TMEM212: variants seen among roughly 807,000 people sequenced by gnomAD.
TMEM212 encodes transmembrane protein 212.
TMEM212 carries 23 observed loss-of-function variants against 20.5 expected under a neutral mutation model. That is an observed-to-expected ratio of 1.12 (90% CI 0.81 to 1.59). The LOEUF is 1.59. TMEM212 is among the 40% of genes most tolerant of loss of function. TMEM212 has a pLI of 0.00. For missense variants in TMEM212, 211 were observed against 215.0 expected, an observed-to-expected ratio of 0.98 and a Z score of 0.12; for synonymous variants, 76 against 81.6, an observed-to-expected ratio of 0.93 and a Z score of 0.37.
rs1560327368 is a variant in TMEM212, at chr3:171,853,630, C to CA, written c.324dup (p.Phe109IlefsTer8). On this transcript the variant is annotated frameshift_variant, in exon 3 of 5. Transcript: ENST00000334567. LOFTEE classifies it high-confidence loss of function. Reference sequence around the variant, plus strand: ...CTCCTGGGCCCATATTGCTTCTATTCATTTTCAGGGATTGCAGGGACTAAT... The same window carrying CA: ...CTCCTGGGCCCATATTGCTTCTATTCAATTTTCAGGGATTGCAGGGACTAAT... 9.1e-6 allele frequency: 14 copies of CA among 1,537,386 alleles called. No homozygotes were observed. Among genetic ancestry groups the CA allele is most frequent in the Non-Finnish European group, 1.2e-5 (14 of 1,146,902 alleles).
intron 1 of TMEM212, among the ~76,000 whole-genome samples, chr3:171,846,618 T>C (rs1474234085): frequency 6.6e-6 from 1 of 152,254 alleles, no homozygotes; most frequent in South Asian, 2.1e-4. Flanking sequence ...GAATTTCTTA[T>C]ACAGTTGAAT....
At position 171,843,525 on chromosome 3, in the gene TMEM212, A is replaced by G. The variant is rs1242473921; in HGVS notation, c.142A>G (p.Ile48Val). The G allele has an allele frequency of 1.8e-5, 28 of 1,534,552 alleles. No homozygotes were observed. Among genetic ancestry groups the G allele is most frequent in the African/African-American group, 2.7e-5 (2 of 72,942 alleles). Residue 48 changes from isoleucine to valine, a missense_variant, in exon 1 of 5, where the codon ATC becomes GTC. Coordinates refer to ENST00000334567, the MANE Select transcript of TMEM212 (RefSeq NM_001164436.2). ...ATGGAGTGTTCGAATTGCTTGTCCT[A>G]TCTGGAATGGAGCTTTGGTATGAAA... ...TGWSVRIACP[I>V]WNGALAITTG...
In TMEM212 at chr3:171,843,547, G is replaced by A. The variant is rs1460175713; in HGVS notation, c.159+5G>A. 2 of 1,524,738 alleles carry A rather than the reference G, an allele frequency of 1.3e-6. No homozygotes were observed. The highest frequency in any genetic ancestry group is 1.4e-5 in the African/African-American group (1 of 72,574). The allele number at this position is 1,524,738 out of a possible 1,614,324, so 94.5% of individuals were successfully genotyped here. A position where few individuals can be genotyped will look rare whatever the true frequency, so the allele number is the denominator to read the frequency against. The stretch of plus-strand genomic sequence containing the variant: ...CCTATCTGGAATGGAGCTTTGGTAT[G>A]AAAATAGTTTATTAAATATATTGAG... On this transcript the variant is annotated splice_donor_5th_base_variant and intron_variant, in intron 1 of 4. Coordinates refer to ENST00000334567, the MANE Select transcript of TMEM212 (RefSeq NM_001164436.2).
Position 171,843,458 on chromosome 3 carries a change from T to G in TMEM212, c.75T>G (p.Ile25Met). The G allele has an allele frequency of 6.5e-7, 1 of 1,537,206 alleles. No individual in the cohort carries two copies. The highest frequency in any genetic ancestry group is 8.7e-7 in the Non-Finnish European group (1 of 1,146,852). The stretch of plus-strand genomic sequence containing the variant: ...TCCTCAGTGTATGCTCTGGAGTTAT[T>G]GCTTTCTTTCCTGTCTTTTCTTACA... ...LGILSVCSGVIAFFPVFSYKP... is the reference protein window; with the variant it reads ...LGILSVCSGVMAFFPVFSYKP... The change falls in exon 1 of 5, where the codon ATT becomes ATG. Residue 25 changes from isoleucine (I) to methionine (M), a missense_variant. Physicochemically the swap from Ile to Met is conservative, Grantham distance 10. Transcript: ENST00000334567.
chr3:171,851,023 CCTT>C (rs1724965782), intron 1 of TMEM212, among the ~76,000 whole-genome samples: 1 of 152,114 alleles, frequency 6.6e-6, no homozygotes, highest in African/African-American at 2.4e-5. Flanking sequence ...TTTTTTTCCT[CCTT>C]AACTTTGTTG....
intron 3 of TMEM212, among the ~76,000 whole-genome samples, chr3:171,855,303 T>C (rs1725088733): frequency 6.6e-6 from 1 of 152,116 alleles, no homozygotes; most frequent in Non-Finnish European, 1.5e-5. Flanking sequence ...GAATTGCTTT[T>C]TAAACAAGCA....
intron 1 of TMEM212, among the ~76,000 whole-genome samples, chr3:171,844,357 T>G (rs773677385): frequency 6.6e-6 from 1 of 152,194 alleles, no homozygotes; most frequent in African/African-American, 2.4e-5. Flanking sequence ...CTGACACTAC[T>G]GGAGACTGGA....
intron 1 of TMEM212, among the ~76,000 whole-genome samples, chr3:171,845,909 C>T (rs577511327): frequency 2.0e-4 from 30 of 152,196 alleles, no homozygotes; most frequent in Non-Finnish European, 4.0e-4. Flanking sequence ...TAATAAAGAG[C>T]TTTGCCAATT....
intron 1 of TMEM212, among the ~76,000 whole-genome samples, chr3:171,850,271 C>T (rs1260438541): frequency 6.6e-6 from 1 of 152,162 alleles, no homozygotes; most frequent in Non-Finnish European, 1.5e-5. Context: ...TAACAAGTTA[C>T]TGAAGGCATT....
At chr3:171,847,256 T>C (rs1724853636) in intron 1 of TMEM212, among the ~76,000 whole-genome samples, 1 of 152,152 alleles carries the variant, frequency 6.6e-6, no homozygotes, top group Admixed American at 6.5e-5. Context: ...TGGAGTGCAA[T>C]GAGTTTAAAC....
chr3:171,846,441 C>A (rs533319080), intron 1 of TMEM212, among the ~76,000 whole-genome samples: 1 of 152,250 alleles, frequency 6.6e-6, no homozygotes, highest in Admixed American at 6.5e-5. Context: ...TCTCCTCTAA[C>A]AAATGTATAT....
chr3:171,844,567 G>A (rs1176462824), intron 1 of TMEM212, among the ~76,000 whole-genome samples: 12 of 152,036 alleles, frequency 7.9e-5, no homozygotes, highest in African/African-American at 1.7e-4. Context: ...TTAGCTAGGC[G>A]TGGTGGCATG....
intron 1 of TMEM212, among the ~76,000 whole-genome samples, chr3:171,848,265 T>C (rs1043900534): frequency 1.1e-4 from 17 of 152,194 alleles, no homozygotes; most frequent in African/African-American, 4.1e-4. Flanking sequence ...GCATGTCTAA[T>C]GAGTTCCCAG....
At chr3:171,843,617 T>C (rs534541824) in intron 1 of TMEM212, 75 bp downstream of exon 1, 3 of 1,288,988 alleles carry the variant, frequency 2.3e-6, no homozygotes, top group South Asian at 1.7e-5. Context: ...GAAGAACATA[T>C]CCTTTTAAAT....
rs1725102798 is a variant in TMEM212 at position 171,855,877 on chromosome 3, A to G, written c.544-786A>G. On this transcript the variant is annotated intron_variant, in intron 3 of 4. Transcript: ENST00000334567. ...AAAGTTAAAATAGTGGGAGCATAAA[A>G]TACATTTTTGGTAAAGTTTATGAAA... Among the ~76,000 whole-genome samples the G allele has an allele frequency of 1.3e-5, 2 of 152,206 alleles. 1 individual carries two copies. The highest frequency in any genetic ancestry group is 4.8e-5 in the African/African-American group (2 of 41,468).
chr3:171,854,703 G>A (rs753611854), intron 3 of TMEM212, among the ~76,000 whole-genome samples: 19 of 152,230 alleles, frequency 1.2e-4, no homozygotes, highest in South Asian at 4.1e-4. Context: ...ACTTGAGAAA[G>A]AACAAAGCTG....
chr3:171,844,455 C>G (rs888968289), intron 1 of TMEM212, among the ~76,000 whole-genome samples: 11 of 152,158 alleles, frequency 7.2e-5, no homozygotes, highest in African/African-American at 1.9e-4. Context: ...CGCTTGTAAT[C>G]CCAGCACTTT....
Position 171,855,494 on chromosome 3 carries a change from TA to T in TMEM212, c.544-1163del, listed in dbSNP as rs971054088. Among the ~76,000 whole-genome samples the T allele has an allele frequency of 4.9e-4, 75 of 152,026 alleles. 1 individual carries two copies. The highest frequency in any genetic ancestry group is 1.7e-3 in the African/African-American group (72 of 41,386). On this transcript the variant is annotated intron_variant, in intron 3 of 4. Transcript: ENST00000334567. ...TAGCCAGGTATTTCCATTTATTAAT[TA>T]AAAAACAATTATTGAGTACCTATTA...
rs1322500922 is a variant in TMEM212 at position 171,851,993 on chromosome 3, T to A, written c.171T>A (p.Thr57=). ...PIWNGALAIT[T]GVLLLLAYRE... is the part of the protein sequence containing the mutation. The stretch of plus-strand genomic sequence containing the variant: ...TTTTCTTGTCACAGGCCATCACAAC[T>A]GGTGTGCTTCTACTGTTGGCTTACA... The change falls in exon 2 of 5, where the codon ACT becomes ACA. Residue 57 remains threonine (T), a synonymous_variant. Coordinates refer to ENST00000334567, the MANE Select transcript of TMEM212 (RefSeq NM_001164436.2). The A allele has an allele frequency of 6.5e-7, 1 of 1,536,926 alleles. No individual in the cohort carries two copies. Among genetic ancestry groups the A allele is most frequent in the African/African-American group, 1.4e-5 (1 of 73,022 alleles).
Sources: gnomAD v4.1 joint callset for allele counts (sites outside exome capture counted in the v4.1 genomes callset) on GRCh38, gnomAD v4.1.1 for gene constraint, MANE v1.5 for transcripts, NCBI Gene and HGNC (gene_info 2026-07-23, HGNC 2026-07-21) for gene names.